SCN8A: variants seen among roughly 807,000 people sequenced by gnomAD.
SCN8A encodes sodium channel protein type 8 subunit alpha.
Under a neutral mutation model 184.1 loss-of-function variants are expected in SCN8A, and 30 were observed. The ratio of observed to expected loss-of-function variants is 0.16; its 90% confidence interval spans 0.12 to 0.22. SCN8A has a LOEUF of 0.22. Among genes scored for constraint, SCN8A ranks in the 10% least tolerant of loss-of-function variants. The probability of loss-of-function intolerance (pLI) is 1.00; values close to 1 mark genes in which losing one functional copy is unlikely to be tolerated. For missense variants in SCN8A, 1,057 were observed against 2,498.9 expected, an observed-to-expected ratio of 0.42 and a Z score of 12.30; for synonymous variants, 852 against 907.0, an observed-to-expected ratio of 0.94 and a Z score of 1.09.
In SCN8A at chr12:51,789,531, GT is replaced by G; in HGVS notation, c.4419+115del. 4 of 1,208,246 alleles carry G rather than the reference GT, an allele frequency of 3.3e-6. No individual in the cohort carries two copies. In the South Asian group the frequency reaches 5.9e-5, roughly 18 times the overall value. 74.8% of individuals were successfully genotyped at this position (1,208,246 alleles called of 1,614,324 possible). On this transcript the variant is annotated intron_variant, in intron 24 of 26. Transcript: ENST00000627620. The stretch of plus-strand genomic sequence containing the variant: ...TCTTTCTTTCTCTAAAATCTATATT[GT>G]TAGCTCACTGTGACCCTGGCCCCCA...
At chr12:51,657,569 T>C (rs1056302493) in intron 1 of SCN8A, among the ~76,000 whole-genome samples, 4 of 152,156 alleles carry the variant, frequency 2.6e-5, no homozygotes, top group African/African-American at 9.6e-5. Context: ...TCTCCCATTC[T>C]ACTGGTTGTC....
At chr12:51,654,868 T>A (rs1020261516) in intron 1 of SCN8A, among the ~76,000 whole-genome samples, 1 of 152,084 alleles carries the variant, frequency 6.6e-6, no homozygotes, top group African/African-American at 2.4e-5. Flanking sequence ...TTCCAACATA[T>A]TTTTTTGTGT....
chr12:51,694,050 A>T (rs992959671), intron 6 of SCN8A, among the ~76,000 whole-genome samples: 29 of 152,198 alleles, frequency 1.9e-4, no homozygotes, highest in African/African-American at 6.3e-4. Context: ...CTCCTGCCTC[A>T]GCCTCCTGAG....
chr12:51,780,366 T>A (rs570986617), intron 20 of SCN8A: 1 of 345,996 alleles, frequency 2.9e-6, no homozygotes, highest in East Asian at 9.2e-5. Flanking sequence ...TTCCAACTTG[T>A]GTGTATGTTC....
At chr12:51,739,692 C>T (rs1565906328) in intron 12 of SCN8A, among the ~76,000 whole-genome samples, 2 of 152,196 alleles carry the variant, frequency 1.3e-5, no homozygotes, top group Non-Finnish European at 2.9e-5. Context: ...AGCTAGTTTT[C>T]TGTTCCAAGC....
chr12:51,707,447 G>C (rs767112659), intron 11 of SCN8A, among the ~76,000 whole-genome samples: 1 of 152,136 alleles, frequency 6.6e-6, no homozygotes, highest in East Asian at 1.9e-4. Flanking sequence ...TTGGATGTTC[G>C]AGGGCAGGAA....
At chr12:51,674,781 TGACCCTTCATTTAATCTTTATAA>T (rs909996567) in intron 2 of SCN8A, among the ~76,000 whole-genome samples, 1 of 152,238 alleles carries the variant, frequency 6.6e-6, no homozygotes, top group Non-Finnish European at 1.5e-5. Context: ...GGACTCCTTG[TGACCCTTCATTTAATCTTTATAA>T]CAACCTGATA....
intron 3 of SCN8A, 45 bp from the exon 4 acceptor site, chr12:51,686,323 A>T (rs1344512292): frequency 7.9e-7 from 1 of 1,263,630 alleles, no homozygotes; most frequent in Admixed American, 1.8e-5. Context: ...TTGAGAAAAC[A>T]AAAGGCAGGC....
At chr12:51,721,522 C>G in intron 11 of SCN8A, 24 bp from the exon 12 acceptor site, 2 of 1,575,780 alleles carry the variant, frequency 1.3e-6, no homozygotes, top group Non-Finnish European at 1.7e-6. Context: ...CCGTCCCTCT[C>G]TCTTTCCCTG....
chr12:51,646,788 A>G (rs1490682293), intron 1 of SCN8A, among the ~76,000 whole-genome samples: 1 of 152,186 alleles, frequency 6.6e-6, no homozygotes, highest in Non-Finnish European at 1.5e-5. Flanking sequence ...AAATTTGAAG[A>G]AAAAATAGGT....
At chr12:51,726,150 A>AT (rs907750271) in intron 12 of SCN8A, among the ~76,000 whole-genome samples, 1 of 152,162 alleles carries the variant, frequency 6.6e-6, no homozygotes, top group Non-Finnish European at 1.5e-5. Context: ...GAGTGTTGAG[A>AT]TTTTTTGATC....
intron 11 of SCN8A, among the ~76,000 whole-genome samples, chr12:51,709,553 G>C (rs1018701172): frequency 6.6e-6 from 1 of 152,218 alleles, no homozygotes; most frequent in Non-Finnish European, 1.5e-5. Flanking sequence ...AGAATTGAAA[G>C]TGTCCATCGG....
At chr12:51,635,755 T>G (rs1565867804) in intron 1 of SCN8A, among the ~76,000 whole-genome samples, 1 of 152,236 alleles carries the variant, frequency 6.6e-6, no homozygotes, top group Non-Finnish European at 1.5e-5. Context: ...TTAAAAAGTT[T>G]AAGGTGGTTC....
At chr12:51,796,830 G>A (rs1285733681) in intron 26 of SCN8A, among the ~76,000 whole-genome samples, 2 of 152,198 alleles carry the variant, frequency 1.3e-5, no homozygotes, top group South Asian at 2.1e-4. Flanking sequence ...TCTTATGTTC[G>A]AGGGCAGGAA....
chr12:51,713,553 A>G, intron 11 of SCN8A: 3 of 733,412 alleles, frequency 4.1e-6, no homozygotes, highest in East Asian at 2.4e-5. Context: ...GCCGGTGGCA[A>G]TGTCGACGGC....
intron 26 of SCN8A, among the ~76,000 whole-genome samples, chr12:51,794,884 G>GA (rs987820898): frequency 3.4e-4 from 51 of 149,508 alleles, no homozygotes; most frequent in Non-Finnish European, 4.8e-4. Context: ...AGGGAAAAAA[G>GA]AAAAAAAAAG....
chr12:51,655,717 G>C (rs1433272833), intron 1 of SCN8A, among the ~76,000 whole-genome samples: 2 of 152,156 alleles, frequency 1.3e-5, no homozygotes, highest in African/African-American at 4.8e-5. Flanking sequence ...AAAGAAGAGA[G>C]CTCTACCCAT....
intron 3 of SCN8A, 107 bp downstream of exon 3, chr12:51,684,399 G>T: frequency 1.4e-6 from 1 of 703,170 alleles, no homozygotes; most frequent in Non-Finnish European, 2.6e-6. Flanking sequence ...TACTGATAGT[G>T]TAGTTAACTA....
At chr12:51,635,686 TAATG>T (rs1219066558) in intron 1 of SCN8A, among the ~76,000 whole-genome samples, 3 of 152,034 alleles carry the variant, frequency 2.0e-5, no homozygotes, top group Non-Finnish European at 2.9e-5. Flanking sequence ...TTACTAGAAA[TAATG>T]AATGAGAAAA....
Sources: gnomAD v4.1 joint callset for allele counts (sites outside exome capture counted in the v4.1 genomes callset) on GRCh38, gnomAD v4.1.1 for gene constraint, MANE v1.5 for transcripts, NCBI Gene and HGNC (gene_info 2026-07-23, HGNC 2026-07-21) for gene names.